Variants in MLLT10 observed in about 807,000 individuals in gnomAD.
The protein encoded by MLLT10 is MLLT10 histone lysine methyltransferase DOT1L cofactor, also known as protein AF-10.
In MLLT10, 30 loss-of-function variants were observed where a neutral mutation model predicts 129.1. The observed-to-expected ratio is 0.23, with a 90% CI of 0.17 to 0.32. MLLT10 has a LOEUF of 0.32. MLLT10 is among the 10% of genes least tolerant of loss of function. The pLI, the probability that MLLT10 is intolerant of heterozygous loss-of-function variation, is 1.00. For missense variants in MLLT10, 1,119 were observed against 1,268.3 expected (o/e 0.88, Z 1.79); for synonymous variants, 490 against 446.4 (o/e 1.10, Z -1.23).
chr10:21,563,335 A>C (rs2131005885), intron 3 of MLLT10, among the ~76,000 whole-genome samples: 1 of 152,086 alleles, frequency 6.6e-6, no homozygotes, highest in Non-Finnish European at 1.5e-5. Context: ...ACCAGCCTAG[A>C]CAACATGGTG....
Position 21,648,884 on chromosome 10 carries a change from T to G in MLLT10, c.700-2789T>G, listed in dbSNP as rs995270343. On this transcript the variant is annotated intron_variant, in intron 8 of 22. Coordinates refer to ENST00000307729, the MANE Select transcript of MLLT10 (RefSeq NM_001195626.3). The stretch of plus-strand genomic sequence containing the variant: ...AGGGGAACTGCCCTTTATAAAACCA[T>G]CAGCTCTCATGAGATTTATTCACTA... 1.4e-4 allele frequency among the ~76,000 whole-genome samples: 21 copies of G among 152,156 alleles called. 1 individual carries two copies. The highest frequency in any genetic ancestry group is 9.2e-4 in the Admixed American group (14 of 15,296).
intron 3 of MLLT10, among the ~76,000 whole-genome samples, chr10:21,569,004 T>C (rs2039905174): frequency 6.6e-6 from 1 of 152,230 alleles, no homozygotes; most frequent in African/African-American, 2.4e-5. Context: ...TTTTTGTCAC[T>C]GATTTCTAGA....
At chr10:21,661,691 ATCT>A (rs1462368742) in intron 9 of MLLT10, 2 of 152,098 alleles carry the variant, frequency 1.3e-5, no homozygotes, top group African/African-American at 4.8e-5. Context: ...GGTCCTACTA[ATCT>A]TCTCTGTATC....
At chr10:21,578,772 A>G (rs1232603944) in intron 3 of MLLT10, among the ~76,000 whole-genome samples, 1 of 152,202 alleles carries the variant, frequency 6.6e-6, no homozygotes, top group African/African-American at 2.4e-5. Context: ...AAAGTATACA[A>G]AGCTTGTAAG....
chr10:21,601,996 T>C (rs2043579864), intron 5 of MLLT10, among the ~76,000 whole-genome samples: 1 of 152,216 alleles, frequency 6.6e-6, no homozygotes, highest in African/African-American at 2.4e-5. Context: ...CAACATGGTA[T>C]TAAAATAAGA....
intron 16 of MLLT10, among the ~76,000 whole-genome samples, chr10:21,730,562 T>G (rs956207527): frequency 6.6e-6 from 1 of 152,200 alleles, no homozygotes; most frequent in Non-Finnish European, 1.5e-5. Context: ...TTTTTAAGTC[T>G]AATTTTGTCT....
intron 3 of MLLT10, among the ~76,000 whole-genome samples, chr10:21,582,274 C>T (rs1359492512): frequency 6.6e-6 from 1 of 152,000 alleles, no homozygotes; most frequent in African/African-American, 2.4e-5. Context: ...CGTGCCACCA[C>T]ATGCAGCTAA....
intron 8 of MLLT10, among the ~76,000 whole-genome samples, chr10:21,619,651 T>G (rs1242723584): frequency 6.6e-6 from 1 of 152,220 alleles, no homozygotes; most frequent in Non-Finnish European, 1.5e-5. Context: ...ATATATAAGT[T>G]TAATATAACT....
At position 21,673,402 on chromosome 10, in the gene MLLT10, G is replaced by T; in HGVS notation, c.1104G>T (p.Val368=). Residue 368 remains valine, a synonymous_variant, in exon 11 of 23, where the codon GTG becomes GTT. Coordinates refer to ENST00000307729, the MANE Select transcript of MLLT10 (RefSeq NM_001195626.3). ...GSVKSSSGSS[V]QSPQDFLSFT... ...TAAAGTCATCTTCTGGAAGTTCAGT[G>T]CAGTCTCCCCAGGATTTCCTGAGCT... 1 of 1,583,362 alleles carries T rather than the reference G, an allele frequency of 6.3e-7. No individual in the cohort carries two copies. Among genetic ancestry groups the T allele is most frequent in the Non-Finnish European group, 8.6e-7 (1 of 1,165,816 alleles).
exon 23 of MLLT10, chr10:21,743,628 T>TAAC (rs1833929999): frequency 5.9e-6 from 1 of 169,890 alleles, no homozygotes. Context: ...ATAATGTTTA[T>TAAC]AACTCCGTGC....
chr10:21,603,134 C>A (rs943931789), intron 5 of MLLT10, among the ~76,000 whole-genome samples: 2 of 151,438 alleles, frequency 1.3e-5, no homozygotes, highest in African/African-American at 4.9e-5. Context: ...CTCACTGCAA[C>A]CTCCTCCTCC....
In MLLT10 at chr10:21,610,741, A is replaced by G. The variant is rs144332156; in HGVS notation, c.406-1607A>G. On this transcript the variant is annotated intron_variant, in intron 5 of 22. Transcript: ENST00000307729. ...GAGGTATTTGAGGCCTCTTTTGCAT[A>G]TTTTCCCCAAATTTTGCCATATAGA... Among the ~76,000 whole-genome samples, 466 of 150,706 alleles carry G rather than the reference A, an allele frequency of 3.1e-3. 4 individuals carry two copies. The highest frequency in any genetic ancestry group is 0.011 in the African/African-American group (450 of 41,142).
At chr10:21,615,441 G>C (rs1393976130) in intron 7 of MLLT10, among the ~76,000 whole-genome samples, 1 of 114,068 alleles carries the variant, frequency 8.8e-6, no homozygotes, top group Non-Finnish European at 1.7e-5. Flanking sequence ...TGGGAAACAA[G>C]AGTGAGACTC....
chr10:21,630,065 A>G (rs1461065225), intron 8 of MLLT10, among the ~76,000 whole-genome samples: 1 of 152,228 alleles, frequency 6.6e-6, no homozygotes, highest in Admixed American at 6.5e-5. Flanking sequence ...AAGAAAGAAG[A>G]GAAGCATGTA....
At chr10:21,539,001 A>G (rs2034596632) in intron 3 of MLLT10, 89 bp downstream of exon 3, 2 of 854,320 alleles carry the variant, frequency 2.3e-6, no homozygotes, top group African/African-American at 3.4e-5. Context: ...TGGGGTTGTC[A>G]GTCATTTCTT....
intron 6 of MLLT10, among the ~76,000 whole-genome samples, chr10:21,613,435 G>T (rs1334304023): frequency 6.6e-6 from 1 of 152,092 alleles, no homozygotes; most frequent in Non-Finnish European, 1.5e-5. Flanking sequence ...ATTGTGAAAT[G>T]GAAAACGGTT....
At chr10:21,655,367 T>G (rs1434037070) in intron 9 of MLLT10, among the ~76,000 whole-genome samples, 1 of 152,236 alleles carries the variant, frequency 6.6e-6, no homozygotes, top group Non-Finnish European at 1.5e-5. Flanking sequence ...ACTGGCTCTT[T>G]TTAATACTCA....
At chr10:21,628,080 A>G (rs1227531972) in intron 8 of MLLT10, among the ~76,000 whole-genome samples, 1 of 152,172 alleles carries the variant, frequency 6.6e-6, no homozygotes, top group Non-Finnish European at 1.5e-5. Flanking sequence ...GTTTCTAGTG[A>G]CAATCTCTTC....
At chr10:21,616,086 T>G (rs1271467258) in intron 7 of MLLT10, among the ~76,000 whole-genome samples, 3 of 152,132 alleles carry the variant, frequency 2.0e-5, no homozygotes, top group Non-Finnish European at 1.5e-5. Flanking sequence ...ATTTTGGTTC[T>G]TGTATACGAA....
Sources: gnomAD v4.1 joint callset for allele counts (sites outside exome capture counted in the v4.1 genomes callset) on GRCh38, gnomAD v4.1.1 for gene constraint, MANE v1.5 for transcripts, NCBI Gene and HGNC (gene_info 2026-07-23, HGNC 2026-07-21) for gene names.